The following CACNA1A variants were observed in gnomAD, a reference collection of about 807,000 sequenced individuals.
CACNA1A encodes calcium voltage-gated channel subunit alpha1 A.
Under a neutral mutation model 262.4 loss-of-function variants are expected in CACNA1A, and 57 were observed. The ratio of observed to expected loss-of-function variants is 0.22; its 90% CI spans 0.18 to 0.27. CACNA1A has a LOEUF of 0.27. CACNA1A is among the 10% of genes least tolerant of loss of function. CACNA1A has a pLI of 1.00. For synonymous variants in CACNA1A, 1,431 were observed against 1,419.3 expected (o/e 1.01, Z -0.18); for missense variants, 2,526 against 3,562.8 (o/e 0.71, Z 7.41).
intron 1 of CACNA1A, among the ~76,000 whole-genome samples, chr19:13,495,438 A>G (rs1981385669): frequency 6.6e-6 from 1 of 152,094 alleles, no homozygotes; most frequent in Non-Finnish European, 1.5e-5. Flanking sequence ...CTGGGACTAC[A>G]GGTGCCCGCC....
chr19:13,216,789 C>G (rs894307894), intron 38 of CACNA1A, among the ~76,000 whole-genome samples: 2 of 152,100 alleles, frequency 1.3e-5, no homozygotes, highest in Non-Finnish European at 2.9e-5. Context: ...TGGGCTCAAG[C>G]AATCCACATT....
intron 11 of CACNA1A, 139 bp downstream of exon 11, chr19:13,316,973 G>C (rs1392808268): frequency 9.9e-6 from 6 of 605,006 alleles, no homozygotes; most frequent in Non-Finnish European, 3.0e-6. Context: ...CCCAGTGACA[G>C]TTATAGAAAT....
chr19:13,361,587 A>G (rs2059112192), intron 5 of CACNA1A, among the ~76,000 whole-genome samples: 2 of 152,212 alleles, frequency 1.3e-5, no homozygotes, highest in Non-Finnish European at 2.9e-5. Context: ...CGCAGCACCA[A>G]TTCTCTGCTC....
At chr19:13,357,851 T>G (rs2059032837) in intron 6 of CACNA1A, among the ~76,000 whole-genome samples, 1 of 151,808 alleles carries the variant, frequency 6.6e-6, no homozygotes, top group Admixed American at 6.6e-5. Flanking sequence ...AAAATTGTTC[T>G]TAAAAATTAG....
At chr19:13,393,816 CT>C (rs1889017659) in intron 3 of CACNA1A, among the ~76,000 whole-genome samples, 1 of 103,922 alleles carries the variant, frequency 9.6e-6, no homozygotes, top group Non-Finnish European at 2.0e-5. Context: ...CTTCCTCTCT[CT>C]CTCTCTCTCT....
chr19:13,323,285 A>T (rs2058292703), intron 10 of CACNA1A, among the ~76,000 whole-genome samples: 1 of 152,064 alleles, frequency 6.6e-6, no homozygotes, highest in Non-Finnish European at 1.5e-5. Context: ...ACAAAAAACA[A>T]ACAAACAAAC....
At chr19:13,224,912 C>T (rs1477188664) in intron 37 of CACNA1A, 140 bp from the exon 38 acceptor site, 1 of 612,166 alleles carries the variant, frequency 1.6e-6, no homozygotes, top group East Asian at 2.8e-5. Flanking sequence ...ACTTAGGTTA[C>T]CTGTCCCAGT....
chr19:13,286,527 G>T lies in CACNA1A; in HGVS notation c.3529C>A (p.Pro1177Thr), dbSNP rs1057522207. The change falls in exon 20 of 47, where the codon CCC (proline) becomes ACC (threonine). Residue 1177 changes from proline (P) to threonine (T), a missense_variant. By Grantham distance (38) the Pro-to-Thr change is conservative. Around this residue, in one of 17 missense-constraint regions of CACNA1A, gnomAD observed 765 missense variants for 748.6 expected, o/e 1.02. Coordinates refer to ENST00000360228, the MANE Select transcript of CACNA1A (RefSeq NM_001127222.2). Reference protein sequence around the residue: ...TVDIPPACPPPLNHTVVQVNK... With the variant: ...TVDIPPACPPTLNHTVVQVNK... ...CCTTGTACGACGGTGTGGTTGAGGGGGGGTGGGCAGGCTGGGGGGATGTCC... is the reference window on the plus strand; with the variant it reads ...CCTTGTACGACGGTGTGGTTGAGGGTGGGTGGGCAGGCTGGGGGGATGTCC... The T allele has an allele frequency of 1.3e-6, 2 of 1,498,406 alleles. No individual in the cohort carries two copies. Among genetic ancestry groups the T allele is most frequent in the Non-Finnish European group, 1.8e-6 (2 of 1,114,234 alleles). 92.8% of individuals were successfully genotyped at this position (1,498,406 alleles called of 1,614,324 possible).
intron 6 of CACNA1A, among the ~76,000 whole-genome samples, chr19:13,342,644 T>C (rs10402415): frequency 1.3e-5 from 2 of 151,874 alleles, no homozygotes; most frequent in African/African-American, 2.4e-5. Context: ...GAGGAGTGAG[T>C]GGAAATAGCT....
intron 1 of CACNA1A, among the ~76,000 whole-genome samples, chr19:13,499,096 GC>G (rs1225945032): frequency 2.6e-5 from 4 of 152,110 alleles, no homozygotes; most frequent in African/African-American, 7.2e-5. Flanking sequence ...CAAAAGTTGA[GC>G]AAAGTTTTTC....
chr19:13,216,482 C>T (rs2055014861), intron 38 of CACNA1A, among the ~76,000 whole-genome samples: 1 of 152,034 alleles, frequency 6.6e-6, no homozygotes, highest in South Asian at 2.1e-4. Context: ...GGATTACAGA[C>T]ATCTGCCTGG....
chr19:13,504,509 G>A (rs888709793), intron 1 of CACNA1A, among the ~76,000 whole-genome samples: 3 of 152,026 alleles, frequency 2.0e-5, no homozygotes, highest in African/African-American at 7.2e-5. Context: ...CCCCTGAAGT[G>A]AGTCCCTCTA....
Position 13,464,706 on chromosome 19 carries a change from G to A in CACNA1A, c.294-9494C>T, listed in dbSNP as rs376475897. Among the ~76,000 whole-genome samples the A allele has an allele frequency of 5.7e-3, 837 of 147,384 alleles. 5 individuals carry two copies. The highest frequency in any genetic ancestry group is 8.1e-3 in the Non-Finnish European group (539 of 66,408). On this transcript the variant is annotated intron_variant, in intron 1 of 46. Coordinates refer to ENST00000360228, the MANE Select transcript of CACNA1A (RefSeq NM_001127222.2). ...TGGGATTACAGGCGCCTGCCACCGC[G>A]CCCGGCTAATTTTTAGTATTTTTAG...
In CACNA1A at chr19:13,208,771, G is replaced by T. The variant is rs1266776561; in HGVS notation, c.6765C>A (p.His2255Gln). 1 of 1,574,984 alleles carries T rather than the reference G, an allele frequency of 6.3e-7. No individual in the cohort carries two copies. The highest frequency in any genetic ancestry group is 1.1e-5 in the South Asian group (1 of 88,452). The change falls in exon 46 of 47, where the codon CAC becomes CAA. Residue 2255 changes from histidine to glutamine, a missense_variant. By Grantham distance (24) the His-to-Gln change is conservative (BLOSUM62 0). Around this residue, in one of 17 missense-constraint regions of CACNA1A, gnomAD observed 929 missense variants for 868.1 expected, o/e 1.07. Transcript: ENST00000360228. ...WSRSPSEGRE[H>Q]MAHRQGSSSV... ...CCGCACCCACCTGCCGGTGCGCCAT[G>T]TGCTCTCGGCCCTCGCTGGGCGAGC...
intron 6 of CACNA1A, among the ~76,000 whole-genome samples, chr19:13,349,280 C>T (rs972924892): frequency 2.6e-5 from 4 of 152,150 alleles, no homozygotes; most frequent in African/African-American, 9.7e-5. Flanking sequence ...AAGCCCTCGG[C>T]TAAAGGCAGC....
intron 27 of CACNA1A, 87 bp downstream of exon 27, chr19:13,259,477 G>T: frequency 7.3e-7 from 1 of 1,367,132 alleles, no homozygotes; most frequent in South Asian, 1.4e-5. Flanking sequence ...CGGCCTCCAA[G>T]ACCTTTCTTA....
intron 31 of CACNA1A, among the ~76,000 whole-genome samples, chr19:13,240,467 AGT>A (rs552714574): frequency 2.8e-4 from 42 of 147,948 alleles, no homozygotes; most frequent in East Asian, 8.2e-4. Flanking sequence ...GTGACTGTGC[AGT>A]GTGTGTCCAT....
chr19:13,445,985 A>T (rs1207662425), intron 3 of CACNA1A, among the ~76,000 whole-genome samples: 1 of 152,124 alleles, frequency 6.6e-6, no homozygotes, highest in Non-Finnish European at 1.5e-5. Context: ...ATCAGAAAGT[A>T]CTCATTAGGC....
intron 6 of CACNA1A, among the ~76,000 whole-genome samples, chr19:13,339,736 G>T (rs906962679): frequency 1.3e-5 from 2 of 151,058 alleles, no homozygotes; most frequent in Admixed American, 6.6e-5. Context: ...AAAATATTAG[G>T]ATGGTAAATT....
Sources: gnomAD v4.1 joint callset for allele counts (sites outside exome capture counted in the v4.1 genomes callset) on GRCh38, gnomAD v4.1.1 for gene constraint, gnomAD v4.1.1 regional missense constraint, MANE v1.5 for transcripts, NCBI Gene and HGNC (gene_info 2026-07-23, HGNC 2026-07-21) for gene names.